NINJ2: variants seen among roughly 807,000 people sequenced by gnomAD.
NINJ2 encodes ninjurin 2.
A neutral mutation model predicts 11.7 loss-of-function variants in NINJ2; 12 were observed. The ratio of observed to expected loss-of-function variants is 1.02; its 90% CI spans 0.66 to 1.66. The LOEUF is 1.66. Among genes scored for constraint, NINJ2 ranks in the 40% most tolerant of loss-of-function variants. The pLI is 0.00. For missense variants in NINJ2, 187 were observed against 181.8 expected (o/e 1.03, Z -0.16); for synonymous variants, 93 against 76.8 (o/e 1.21, Z -1.10).
chr12:577,197 G>C (rs1417044808), intron 1 of NINJ2, among the ~76,000 whole-genome samples: 1 of 151,744 alleles, frequency 6.6e-6, no homozygotes, highest in Non-Finnish European at 1.5e-5. Context: ...AATTACACAA[G>C]ATATTCAATA....
intron 1 of NINJ2, among the ~76,000 whole-genome samples, chr12:578,397 T>C (rs1356980539): frequency 6.6e-6 from 1 of 152,198 alleles, no homozygotes; most frequent in Non-Finnish European, 1.5e-5. Context: ...TGGCTCACTG[T>C]AGCTTCAAAC....
At chr12:577,430 C>CGTATATATATGT (rs1947476526) in intron 1 of NINJ2, among the ~76,000 whole-genome samples, 1 of 93,988 alleles carries the variant, frequency 1.1e-5, no homozygotes, top group Non-Finnish European at 2.4e-5. Flanking sequence ...TATATATATA[C>CGTATATATATGT]ATATATATAT....
intron 1 of NINJ2, among the ~76,000 whole-genome samples, chr12:570,964 G>A (rs1360972371): frequency 6.6e-6 from 1 of 152,202 alleles, no homozygotes; most frequent in African/African-American, 2.4e-5. Flanking sequence ...CTCCTTCACA[G>A]AAGGAAGGAC....
intron 1 of NINJ2, among the ~76,000 whole-genome samples, chr12:623,576 C>A (rs1401615310): frequency 2.0e-5 from 3 of 152,222 alleles, no homozygotes; most frequent in Non-Finnish European, 2.9e-5. Flanking sequence ...CACTCTTGGG[C>A]TTAGTTTGCA....
intron 1 of NINJ2, among the ~76,000 whole-genome samples, chr12:584,979 C>T (rs1211612925): frequency 1.3e-5 from 2 of 148,758 alleles, no homozygotes; most frequent in Non-Finnish European, 1.5e-5. Context: ...ATTAGCTGGG[C>T]GTGGTGGCGG....
rs1040514770 is a variant in NINJ2 at position 585,973 on chromosome 12, G to T, written c.34-19795C>A. 2.6e-5 allele frequency: 4 copies of T among 152,114 alleles called. No individual in the cohort carries two copies. Among genetic ancestry groups the T allele is most frequent in the African/African-American group, 9.7e-5 (4 of 41,418 alleles). The allele number at this position is 152,114 out of a possible 1,614,324, so 9.4% of individuals were successfully genotyped here. A position where few individuals can be genotyped will look rare whatever the true frequency, so the allele number is the denominator to read the frequency against. On this transcript the variant is annotated intron_variant, in intron 1 of 3. Transcript: ENST00000305108. The surrounding 1 kb of genome is among the most constrained non-coding windows in gnomAD (Gnocchi z 4.1). Reference sequence around the variant, plus strand: ...CTGGTAATCACAGAAGCTCTGCGCTGGGAACCAGTACCCTAACAGAGGAGA... The same window carrying T: ...CTGGTAATCACAGAAGCTCTGCGCTTGGAACCAGTACCCTAACAGAGGAGA...
At chr12:601,765 C>T (rs1443873094) in intron 1 of NINJ2, among the ~76,000 whole-genome samples, 1 of 152,042 alleles carries the variant, frequency 6.6e-6, no homozygotes, top group Non-Finnish European at 1.5e-5. Context: ...ACTCGGGAGG[C>T]TGAGGCAGGA....
At chr12:643,832 G>T (rs9669247) in intron 1 of NINJ2, 83,281 of 243,938 alleles carry the variant, frequency 0.34, 14,436 homozygotes, top group African/African-American at 0.41. Flanking sequence ...CCAGCTCATC[G>T]CTCAGGTCTT....
chr12:621,472 G>GA (rs11310736), intron 1 of NINJ2, among the ~76,000 whole-genome samples: 3 of 147,430 alleles, frequency 2.0e-5, no homozygotes, highest in African/African-American at 5.1e-5. Context: ...GAAAGAAAAA[G>GA]AAAAAAAAAG....
intron 1 of NINJ2, among the ~76,000 whole-genome samples, chr12:594,978 G>T (rs1947762535): frequency 6.6e-6 from 1 of 152,132 alleles, no homozygotes; most frequent in Non-Finnish European, 1.5e-5. Flanking sequence ...ATTATCAAAA[G>T]GATAGACAAG....
rs1330575210 is a variant in NINJ2, at chr12:636,536, A to C, written c.33+26792T>G. ...AACTCCTACAACTTAACAGCGAGAAAACCAAACAACTCAATTCAAAAAAGG... is the reference window on the plus strand; with the variant it reads ...AACTCCTACAACTTAACAGCGAGAACACCAAACAACTCAATTCAAAAAAGG... On this transcript the variant is annotated intron_variant, in intron 1 of 3. Coordinates refer to ENST00000305108, the MANE Select transcript of NINJ2 (RefSeq NM_016533.6). Among the ~76,000 whole-genome samples, 3 of 152,140 alleles carry C rather than the reference A, an allele frequency of 2.0e-5. No homozygotes were observed. In the East Asian group the frequency reaches 5.8e-4, roughly 29 times the overall value.
chr12:571,021 A>T (rs1481948593), intron 1 of NINJ2, among the ~76,000 whole-genome samples: 1 of 152,036 alleles, frequency 6.6e-6, no homozygotes, highest in Non-Finnish European at 1.5e-5. Flanking sequence ...CCCTCTCTCA[A>T]TGAGGCTGGC....
intron 1 of NINJ2, 81 bp downstream of exon 1, chr12:663,247 G>T (rs569836452): frequency 4.2e-5 from 54 of 1,288,908 alleles, no homozygotes; most frequent in Non-Finnish European, 5.8e-5. Context: ...AATATCAAGT[G>T]ACTAAAGTAT....
chr12:629,916 T>TAC (rs1555166155), intron 1 of NINJ2, among the ~76,000 whole-genome samples: 10 of 72,990 alleles, frequency 1.4e-4, no homozygotes, highest in Non-Finnish European at 2.1e-4. Flanking sequence ...TATATATATA[T>TAC]ATATATGAAG....
intron 1 of NINJ2, among the ~76,000 whole-genome samples, chr12:655,880 T>A (rs985564603): frequency 3.3e-5 from 5 of 151,898 alleles, no homozygotes; most frequent in Admixed American, 2.0e-4. Flanking sequence ...GCCACTGTAC[T>A]CCAGCCTGGG....
chr12:585,042 C>T lies in NINJ2; in HGVS notation c.34-18864G>A, dbSNP rs565494996. 4.6e-5 allele frequency among the ~76,000 whole-genome samples: 7 copies of T among 152,266 alleles called. No individual in the cohort carries two copies. The highest frequency in any genetic ancestry group is 1.9e-4 in the East Asian group (1 of 5,186). On this transcript the variant is annotated intron_variant, in intron 1 of 3. Transcript: ENST00000305108. This position sits in a 1 kb window ranked among gnomAD's most constrained non-coding sequence, Gnocchi z 4.1. ...GCTGAGGCAGGAGAATCACTTGAACCGGGGAGGCGGAGGTTGAAGTGGGCT... is the reference window on the plus strand; with the variant it reads ...GCTGAGGCAGGAGAATCACTTGAACTGGGGAGGCGGAGGTTGAAGTGGGCT...
chr12:649,502 A>T (rs1194256625), intron 1 of NINJ2, among the ~76,000 whole-genome samples: 2 of 130,396 alleles, frequency 1.5e-5, no homozygotes, highest in Admixed American at 1.7e-4. Flanking sequence ...TGGTAATCAG[A>T]AACAGTGAAT....
chr12:653,018 CTTTTTT>C (rs377056940), intron 1 of NINJ2, among the ~76,000 whole-genome samples: 11 of 96,200 alleles, frequency 1.1e-4, no homozygotes, highest in African/African-American at 3.6e-4. Flanking sequence ...TATTTTGTTT[CTTTTTT>C]TTTTTTTTTT....
At chr12:611,250 TCTCTC>T in intron 1 of NINJ2, among the ~76,000 whole-genome samples, 1 of 79,908 alleles carries the variant, frequency 1.3e-5, no homozygotes, top group Admixed American at 9.4e-5. Context: ...TTTCTTTCTC[TCTCTC>T]TCTTTCTTTC....
Sources: allele counts gnomAD v4.1 joint callset (sites outside exome capture counted in the v4.1 genomes callset), GRCh38; gene constraint gnomAD v4.1.1; non-coding constraint Gnocchi (gnomAD v3.1); transcripts MANE v1.5; gene names NCBI Gene and HGNC (gene_info 2026-07-23, HGNC 2026-07-21).